The following UTRN variants were observed in gnomAD, a reference collection of about 807,000 sequenced individuals.
UTRN encodes the protein dystrophin-related protein 1.
In UTRN, 283 loss-of-function variants were observed where a neutral mutation model predicts 463.9. The observed-to-expected ratio is 0.61, with a 90% CI of 0.55 to 0.67. UTRN has a LOEUF of 0.67. Among genes scored for constraint, UTRN ranks in the 30% least tolerant of loss-of-function variants. UTRN has a pLI of 0.00. For synonymous variants in UTRN, 1,442 were observed against 1,431.5 expected (o/e 1.01, Z -0.17); for missense variants, 3,922 against 4,084.3 (o/e 0.96, Z 1.08).
chr6:144,626,870 C>T (rs1007616403), intron 51 of UTRN, among the ~76,000 whole-genome samples: 16 of 152,148 alleles, frequency 1.1e-4, no homozygotes, highest in African/African-American at 3.9e-4. Context: ...GATCTCTTGA[C>T]CTTGTGATCC....
intron 60 of UTRN, among the ~76,000 whole-genome samples, chr6:144,776,740 C>T (rs541435916): frequency 1.3e-5 from 2 of 152,276 alleles, no homozygotes; most frequent in South Asian, 2.1e-4. Context: ...CTAAAAAGCA[C>T]TTGTCTTAGC....
At position 144,754,703 on chromosome 6, in the gene UTRN, C is replaced by G. The variant is rs752887710; in HGVS notation, c.8356-17C>G. 1.9e-6 allele frequency: 3 copies of G among 1,609,154 alleles called. No individual in the cohort carries two copies. The highest frequency in any genetic ancestry group is 2.5e-6 in the Non-Finnish European group (3 of 1,178,232). ...GAATCAAATTATTTCCTCTGACTTGCATGTGTATGTGTGCAGGTTTCTGTG... is the reference window on the plus strand; with the variant it reads ...GAATCAAATTATTTCCTCTGACTTGGATGTGTATGTGTGCAGGTTTCTGTG... On this transcript the variant is annotated splice_polypyrimidine_tract_variant and intron_variant, in intron 56 of 74. Transcript: ENST00000367545.
At chr6:144,533,712 A>C (rs530295418) in intron 43 of UTRN, among the ~76,000 whole-genome samples, 2 of 117,008 alleles carry the variant, frequency 1.7e-5, no homozygotes, top group East Asian at 3.1e-4. Context: ...AAAGTTCTTC[A>C]TCTATGTAAT....
At chr6:144,845,726 T>C (rs149344246) in intron 73 of UTRN, among the ~76,000 whole-genome samples, 1 of 152,304 alleles carries the variant, frequency 6.6e-6, no homozygotes, top group East Asian at 1.9e-4. Context: ...CAGCTATCCC[T>C]TGGACACTGT....
chr6:144,403,041 G>T (rs1003198586), intron 2 of UTRN, 82 bp from the exon 3 acceptor site: 4 of 1,279,104 alleles, frequency 3.1e-6, no homozygotes, highest in African/African-American at 1.5e-5. Context: ...AACTCTCCAG[G>T]ATAGAGATAA....
At chr6:144,814,137 G>C (rs1778870595) in intron 65 of UTRN, among the ~76,000 whole-genome samples, 1 of 152,194 alleles carries the variant, frequency 6.6e-6, no homozygotes, top group Non-Finnish European at 1.5e-5. Context: ...TAGTGTGATA[G>C]TGTTAGGAGA....
intron 51 of UTRN, among the ~76,000 whole-genome samples, chr6:144,624,275 T>C (rs769947670): frequency 1.3e-5 from 2 of 152,196 alleles, no homozygotes; most frequent in Non-Finnish European, 2.9e-5. Flanking sequence ...AGTATATTAC[T>C]GAAGGTTTTT....
intron 2 of UTRN, among the ~76,000 whole-genome samples, chr6:144,402,194 C>T (rs1405838315): frequency 6.6e-6 from 1 of 152,208 alleles, no homozygotes; most frequent in Non-Finnish European, 1.5e-5. Flanking sequence ...GAGCTGAACA[C>T]CAGCTCTTCG....
rs963479112 is a variant in UTRN at position 144,470,279 on chromosome 6, G to A, written c.3067-3441G>A. On this transcript the variant is annotated intron_variant, in intron 23 of 74. Coordinates refer to ENST00000367545, the MANE Select transcript of UTRN (RefSeq NM_007124.3). ...TCCCCACTTCCCAGATGGGGTGGCC[G>A]GGCAGAGGCGCCCCCCACCTCCCAG... Among the ~76,000 whole-genome samples the A allele has an allele frequency of 6.6e-5, 10 of 152,016 alleles. No homozygotes were observed. In the South Asian group the frequency reaches 8.3e-4, roughly 13 times the overall value.
chr6:144,637,167 G>A (rs1237697422), intron 51 of UTRN, among the ~76,000 whole-genome samples: 5 of 152,026 alleles, frequency 3.3e-5, no homozygotes, highest in African/African-American at 1.2e-4. Flanking sequence ...ACAGGGTCTT[G>A]CCATGTGGCC....
intron 62 of UTRN, among the ~76,000 whole-genome samples, chr6:144,791,372 C>T (rs2128743151): frequency 6.6e-6 from 1 of 152,184 alleles, no homozygotes; most frequent in South Asian, 2.1e-4. Context: ...AGTGCCCTGG[C>T]CTTTATGCTT....
chr6:144,422,792 T>A (rs1784947586), intron 4 of UTRN, among the ~76,000 whole-genome samples: 1 of 152,260 alleles, frequency 6.6e-6, no homozygotes, highest in Non-Finnish European at 1.5e-5. Context: ...GTACAAATGT[T>A]AACTCTAGAG....
intron 41 of UTRN, among the ~76,000 whole-genome samples, chr6:144,524,610 A>G (rs547090607): frequency 3.9e-5 from 6 of 152,210 alleles, no homozygotes; most frequent in East Asian, 1.9e-4. Flanking sequence ...AGGGTTTTCT[A>G]GGTATATGAT....
intron 52 of UTRN, among the ~76,000 whole-genome samples, chr6:144,679,521 G>A (rs1781997929): frequency 6.6e-6 from 1 of 152,064 alleles, no homozygotes; most frequent in Non-Finnish European, 1.5e-5. Flanking sequence ...CTCTGATCTT[G>A]AACAAACTAC....
intron 52 of UTRN, among the ~76,000 whole-genome samples, chr6:144,681,267 G>A (rs62427193): frequency 0.054 from 8,239 of 152,178 alleles, 244 homozygotes; most frequent in African/African-American, 0.073. Context: ...GAGACAGGTG[G>A]CAGGTAACCA....
chr6:144,426,371 A>G lies in UTRN; in HGVS notation c.490A>G (p.Thr164Ala). The stretch of plus-strand genomic sequence containing the variant: ...CCTGCTCAGCTGGGTGCGTCAGACC[A>G]CCAGGCCCTACAGCCAAGTCAACGT... ...KILLSWVRQT[T>A]RPYSQVNVLN... The change falls in exon 7 of 75, where the codon ACC becomes GCC. Residue 164 changes from threonine (T) to alanine (A), a missense_variant. This residue lies in a region of UTRN where 264 missense variants were observed against 327.9 expected (regional missense o/e 0.81). Coordinates refer to ENST00000367545, the MANE Select transcript of UTRN (RefSeq NM_007124.3). The G allele has an allele frequency of 1.9e-6, 3 of 1,614,174 alleles. No homozygotes were observed. The highest frequency in any genetic ancestry group is 2.5e-6 in the Non-Finnish European group (3 of 1,180,028).
Position 144,851,769 on chromosome 6 carries a change from A to G in UTRN, c.*772A>G, listed in dbSNP as rs1033997031. On this transcript the variant is annotated 3_prime_UTR_variant, in exon 75 of 75. Transcript: ENST00000367545. Reference sequence around the variant, plus strand: ...TTCCTGCATTTTATTCCCTTTTTATATAAGTAGGAATTAATTATTTATTTT... The same window carrying G: ...TTCCTGCATTTTATTCCCTTTTTATGTAAGTAGGAATTAATTATTTATTTT... 1 of 152,160 alleles carries G rather than the reference A, an allele frequency of 6.6e-6. No individual in the cohort carries two copies. The highest frequency in any genetic ancestry group is 2.4e-5 in the African/African-American group (1 of 41,434). The allele number at this position is 152,160 out of a possible 1,614,324, so 9.4% of individuals were successfully genotyped here.
chr6:144,534,786 T>C (rs1429189225), intron 43 of UTRN, among the ~76,000 whole-genome samples: 1 of 152,178 alleles, frequency 6.6e-6, no homozygotes, highest in Non-Finnish European at 1.5e-5. Flanking sequence ...GAGGCAGATA[T>C]GATGCGCTGT....
At chr6:144,328,924 C>T (rs1488536131) in intron 2 of UTRN, among the ~76,000 whole-genome samples, 2 of 152,052 alleles carry the variant, frequency 1.3e-5, no homozygotes, top group Admixed American at 1.3e-4. Context: ...GCTGGGATTA[C>T]AGTTGCAAGC....
Sources: allele counts gnomAD v4.1 joint callset (sites outside exome capture counted in the v4.1 genomes callset), GRCh38; gene constraint gnomAD v4.1.1; regional missense constraint gnomAD v4.1.1; transcripts MANE v1.5; gene names NCBI Gene and HGNC (gene_info 2026-07-23, HGNC 2026-07-21).